EDA: variants seen among roughly 807,000 people sequenced by gnomAD.
EDA encodes the protein ectodysplasin A.
EDA carries 2 observed loss-of-function variants against 23.6 expected under a neutral mutation model. The observed-to-expected ratio is 0.08, with a 90% CI of 0.03 to 0.27. The LOEUF (loss-of-function observed/expected upper bound fraction) is 0.27, where lower values mean the gene tolerates loss of function less well. EDA is among the 10% of genes least tolerant of loss of function. The pLI, the probability that EDA is intolerant of heterozygous loss-of-function variation, is 1.00. For synonymous variants in EDA, 131 were observed against 132.0 expected (o/e 0.99, Z 0.05); for missense variants, 229 against 324.2 (o/e 0.71, Z 2.26).
intron 1 of EDA, among the ~76,000 whole-genome samples, chrX:69,884,146 T>C (rs1424195540): frequency 9.0e-6 from 1 of 111,664 alleles, no homozygotes; most frequent in African/African-American, 3.3e-5. Flanking sequence ...TTCAAAATAA[T>C]GAGTAGGTCC....
chrX:69,915,308 A>T (rs1186628338), intron 1 of EDA, among the ~76,000 whole-genome samples: 3 of 111,912 alleles, frequency 2.7e-5, no homozygotes, highest in Non-Finnish European at 5.6e-5. Flanking sequence ...ATTGTGAATT[A>T]AAAAAGCATC....
At chrX:69,829,633 A>T (rs1200184865) in intron 1 of EDA, among the ~76,000 whole-genome samples, 1 of 111,900 alleles carries the variant, frequency 8.9e-6, no homozygotes. Context: ...TATTTAACTG[A>T]TAGGATCAGA....
At chrX:69,617,750 CA>C in intron 1 of EDA, 1 of 356,036 alleles carries the variant, frequency 2.8e-6, no homozygotes, top group Admixed American at 2.7e-5. Context: ...GCAAGTTGTA[CA>C]AATAAGTTCC....
intron 1 of EDA, among the ~76,000 whole-genome samples, chrX:69,631,550 C>T (rs1278305229): frequency 9.1e-6 from 1 of 109,382 alleles, no homozygotes; most frequent in African/African-American, 3.3e-5. Context: ...CAAGAACCCC[C>T]GGTTATATAT....
rs35090201 is a variant in EDA, at chrX:69,667,119, CTTTTTT to C, written c.396+50426_396+50431del. 1.0e-4 allele frequency among the ~76,000 whole-genome samples: 9 copies of C among 86,401 alleles called. No homozygotes were observed. The South Asian group carries it at 1.7e-3, about 17-fold the overall frequency. 75.0% of individuals were successfully genotyped at this position (86,401 alleles called of 115,157 possible). On this transcript the variant is annotated intron_variant, in intron 1 of 7. Transcript: ENST00000374552. ...TCTCTTTTAATTTCTTTTTCTTTTT[CTTTTTT>C]TTTTTTTTTTGAAATGGAGTCTCGC...
intron 1 of EDA, among the ~76,000 whole-genome samples, chrX:69,866,383 G>C (rs1415961693): frequency 9.0e-6 from 1 of 111,514 alleles, no homozygotes; most frequent in Non-Finnish European, 1.9e-5. Context: ...CTTAAGATTA[G>C]GAGGAGCCTA....
At chrX:69,833,668 G>T (rs1030265935) in intron 1 of EDA, among the ~76,000 whole-genome samples, 1 of 110,747 alleles carries the variant, frequency 9.0e-6, no homozygotes, top group African/African-American at 3.3e-5. Flanking sequence ...GATTCCGTCT[G>T]GTCCTGGAAT....
chrX:69,821,593 T>G (rs2147517784), intron 1 of EDA, among the ~76,000 whole-genome samples: 1 of 111,866 alleles, frequency 8.9e-6, no homozygotes, highest in East Asian at 2.8e-4. Flanking sequence ...TTAGCTTAAC[T>G]TTAATATTAG....
chrX:69,646,448 CT>C (rs1932929337), intron 1 of EDA, among the ~76,000 whole-genome samples: 1 of 111,335 alleles, frequency 9.0e-6, no homozygotes, highest in Admixed American at 9.6e-5. Context: ...CCTTTTTTGT[CT>C]TTTTTGATCT....
At chrX:69,740,391 T>G (rs2013416274) in intron 1 of EDA, among the ~76,000 whole-genome samples, 1 of 111,540 alleles carries the variant, frequency 9.0e-6, no homozygotes, top group African/African-American at 3.2e-5. Context: ...TTTTGAAAGA[T>G]ATTTTTTTCT....
At chrX:69,811,863 G>A (rs1265601559) in intron 1 of EDA, among the ~76,000 whole-genome samples, 1 of 111,647 alleles carries the variant, frequency 9.0e-6, no homozygotes, top group African/African-American at 3.3e-5. Flanking sequence ...TCCTGTGCTG[G>A]TTGTGCCTTG....
intron 1 of EDA, among the ~76,000 whole-genome samples, chrX:69,846,919 A>G (rs754235841): frequency 7.2e-5 from 8 of 111,524 alleles, no homozygotes; most frequent in Non-Finnish European, 1.5e-4. Flanking sequence ...TGTCTCCCTC[A>G]TACCTAATAA....
At chrX:69,970,029 C>T (rs1270096636) in intron 2 of EDA, among the ~76,000 whole-genome samples, 1 of 111,043 alleles carries the variant, frequency 9.0e-6, no homozygotes, top group Non-Finnish European at 1.9e-5. Flanking sequence ...TCACTTGAGC[C>T]CAGGAGTTTG....
intron 1 of EDA, among the ~76,000 whole-genome samples, chrX:69,851,406 T>C (rs973451676): frequency 1.8e-5 from 2 of 112,514 alleles, no homozygotes; most frequent in Non-Finnish European, 3.7e-5. Flanking sequence ...TTAACCAGTT[T>C]CTATTGAAAG....
intron 1 of EDA, among the ~76,000 whole-genome samples, chrX:69,779,888 G>A (rs985578039): frequency 9.0e-6 from 1 of 111,074 alleles, no homozygotes; most frequent in Non-Finnish European, 1.9e-5. Flanking sequence ...GGTTACTGGA[G>A]AATATGTTGT....
At chrX:69,655,667 A>T (rs1480267314) in intron 1 of EDA, among the ~76,000 whole-genome samples, 3 of 101,382 alleles carry the variant, frequency 3.0e-5, no homozygotes, top group African/African-American at 1.1e-4. Flanking sequence ...TGGACCACAT[A>T]TTTTCCCCAT....
chrX:69,957,230 G>A (rs772774440), intron 2 of EDA, 98 bp downstream of exon 2: 66 of 855,103 alleles, frequency 7.7e-5, no homozygotes, highest in Non-Finnish European at 1.1e-4. Flanking sequence ...GGTGGCTCAC[G>A]CCTGTAATCC....
chrX:70,003,726 C>T (rs73226465), intron 2 of EDA, among the ~76,000 whole-genome samples: 19,295 of 111,466 alleles, frequency 0.17, 1,621 homozygotes, highest in Middle Eastern at 0.34. Flanking sequence ...TTGGGAAATG[C>T]TGCATTTCAT....
At position 69,645,604 on chromosome X, in the gene EDA, A is replaced by G. The variant is rs6525320; in HGVS notation, c.396+28900A>G. Reference sequence around the variant, plus strand: ...TTCTTTTATATATATGTGTGTGTGTATATATATATATGTGTGTGTATATAT... The same window carrying G: ...TTCTTTTATATATATGTGTGTGTGTGTATATATATATGTGTGTGTATATAT... On this transcript the variant is annotated intron_variant, in intron 1 of 7. Transcript: ENST00000374552. Among the ~76,000 whole-genome samples, 17 of 38,549 alleles carry G rather than the reference A, an allele frequency of 4.4e-4. No individual in the cohort carries two copies. The East Asian group carries it at 0.21, about 486-fold the overall frequency. The allele number at this position is 38,549 out of a possible 115,157, so 33.5% of individuals were successfully genotyped here. A position where few individuals can be genotyped will look rare whatever the true frequency, so the allele number is the denominator to read the frequency against.
Sources: gnomAD v4.1 joint callset for allele counts (sites outside exome capture counted in the v4.1 genomes callset) on GRCh38, gnomAD v4.1.1 for gene constraint, MANE v1.5 for transcripts, NCBI Gene and HGNC (gene_info 2026-07-23, HGNC 2026-07-21) for gene names.